The following LYPD6B variants were observed in gnomAD, a reference collection of about 807,000 sequenced individuals.
LYPD6B encodes ly6/PLAUR domain-containing protein 6B.
A neutral mutation model predicts 22.8 loss-of-function variants in LYPD6B; 17 were observed. That is an observed-to-expected ratio of 0.75 (90% CI 0.51 to 1.12). LYPD6B has a LOEUF of 1.12. Among genes scored for constraint, LYPD6B ranks in the 50% most tolerant of loss-of-function variants. The pLI, the probability that LYPD6B is intolerant of heterozygous loss-of-function variation, is 0.00. For synonymous variants in LYPD6B, 106 were observed against 91.6 expected (o/e 1.16, Z -0.90); for missense variants, 221 against 258.3 (o/e 0.86, Z 0.99).
At chr2:149,053,315 A>G (rs1184326552) in intron 1 of LYPD6B, among the ~76,000 whole-genome samples, 1 of 152,240 alleles carries the variant, frequency 6.6e-6, no homozygotes, top group Admixed American at 6.5e-5. Context: ...ATTCTGTTGA[A>G]TGAATGTACC....
At chr2:149,088,626 C>T (rs553044656) in intron 1 of LYPD6B, among the ~76,000 whole-genome samples, 2 of 152,264 alleles carry the variant, frequency 1.3e-5, no homozygotes, top group South Asian at 2.1e-4. Context: ...TTCTGCACAG[C>T]TCTACCACAT....
At position 149,068,872 on chromosome 2, in the gene LYPD6B, T is replaced by G. The variant is rs76795342; in HGVS notation, c.-67+30071T>G. 2.5e-3 allele frequency: 815 copies of G among 323,644 alleles called. 23 individuals carry two copies. The East Asian group carries it at 0.056, about 22-fold the overall frequency. 20.0% of individuals were successfully genotyped at this position (323,644 alleles called of 1,614,324 possible). On this transcript the variant is annotated intron_variant, in intron 1 of 6. Transcript: ENST00000409642. ...GTTTATCGCCTGCAGCCTCCAAGGC[T>G]TCCTGAAAAGCAAACTTCTGCTCAA... is the stretch of plus-strand genomic sequence containing the variant.
chr2:149,186,110 G>A (rs566860725), intron 3 of LYPD6B, among the ~76,000 whole-genome samples: 3 of 152,262 alleles, frequency 2.0e-5, no homozygotes, highest in African/African-American at 4.8e-5. Context: ...ACTTTAAATC[G>A]AAAGCTAGAA....
chr2:149,206,476 G>A (rs1046969993), intron 4 of LYPD6B, among the ~76,000 whole-genome samples: 29 of 151,868 alleles, frequency 1.9e-4, no homozygotes, highest in African/African-American at 6.8e-4. Context: ...TTCTAAATTG[G>A]TAATAATTGT....
chr2:149,040,282 T>C (rs1044208682), intron 1 of LYPD6B, among the ~76,000 whole-genome samples: 1 of 151,218 alleles, frequency 6.6e-6, no homozygotes, highest in Non-Finnish European at 1.5e-5. Flanking sequence ...AGTGCAGTGG[T>C]GTGATCTCGG....
At chr2:149,205,489 T>A in intron 4 of LYPD6B, 85 bp downstream of exon 4, 1 of 1,396,794 alleles carries the variant, frequency 7.2e-7, no homozygotes, top group Non-Finnish European at 9.8e-7. Context: ...TATTGTAACT[T>A]CGTCTTTCCC....
rs1683879626 is a variant in LYPD6B, at chr2:149,057,874, T to C, written c.-67+19073T>C. Among the ~76,000 whole-genome samples the C allele has an allele frequency of 3.3e-5, 5 of 152,264 alleles. No individual in the cohort carries two copies. The South Asian group carries it at 1.0e-3, about 32-fold the overall frequency. On this transcript the variant is annotated intron_variant, in intron 1 of 6. Transcript: ENST00000409642. ...GGTGGTCATAGCAGAGCTTTCCCTG[T>C]GATGTGTGATGAATGCATCCGTAAG... is the stretch of plus-strand genomic sequence containing the variant.
chr2:149,077,069 CTG>C (rs1235927557), intron 1 of LYPD6B, among the ~76,000 whole-genome samples: 1 of 152,212 alleles, frequency 6.6e-6, no homozygotes, highest in Non-Finnish European at 1.5e-5. Context: ...TGATGACAAA[CTG>C]TGCCTCTGGC....
chr2:149,081,149 G>T (rs1019757634), intron 1 of LYPD6B, among the ~76,000 whole-genome samples: 5 of 152,136 alleles, frequency 3.3e-5, no homozygotes, highest in African/African-American at 1.2e-4. Flanking sequence ...GACTTCTTGA[G>T]ATCTCAGATA....
intron 1 of LYPD6B, among the ~76,000 whole-genome samples, chr2:149,087,098 T>C (rs561970475): frequency 1.3e-5 from 2 of 152,216 alleles, no homozygotes; most frequent in Non-Finnish European, 2.9e-5. Flanking sequence ...TTTGGGGGCA[T>C]ACAATCAGCT....
intron 1 of LYPD6B, among the ~76,000 whole-genome samples, chr2:149,121,447 G>A (rs1687349505): frequency 6.6e-6 from 1 of 152,100 alleles, no homozygotes; most frequent in Admixed American, 6.5e-5. Context: ...TGATTTGACT[G>A]ACCAAATCTG....
At chr2:149,098,272 G>A (rs903948595) in intron 1 of LYPD6B, among the ~76,000 whole-genome samples, 21 of 152,260 alleles carry the variant, frequency 1.4e-4, no homozygotes, top group African/African-American at 5.1e-4. Flanking sequence ...TCTGATCCAT[G>A]TTGTTGAAAT....
chr2:149,187,589 C>T, intron 3 of LYPD6B: 1 of 1,345,740 alleles, frequency 7.4e-7, no homozygotes. Flanking sequence ...TGTAGGTGCC[C>T]CGTAAATATT....
intron 2 of LYPD6B, among the ~76,000 whole-genome samples, chr2:149,158,800 T>G (rs1689866442): frequency 2.0e-5 from 3 of 152,218 alleles, no homozygotes; most frequent in Admixed American, 6.5e-5. Context: ...CTTAGACATA[T>G]ATTACTTGAG....
At position 149,205,465 on chromosome 2, in the gene LYPD6B, C is replaced by G. The variant is rs189137426; in HGVS notation, c.229+61C>G. On this transcript the variant is annotated intron_variant, in intron 4 of 6. Coordinates refer to ENST00000409642, the MANE Select transcript of LYPD6B (RefSeq NM_177964.5). Reference sequence around the variant, plus strand: ...GTGGGGCCAGAGTGTTAATATGAAGCCCCCTTTTCCATTTATTGTAACTTC... The same window carrying G: ...GTGGGGCCAGAGTGTTAATATGAAGGCCCCTTTTCCATTTATTGTAACTTC... 895 of 1,515,488 alleles carry G rather than the reference C, an allele frequency of 5.9e-4. 4 individuals carry two copies. In the African/African-American group the frequency reaches 0.011, roughly 18 times the overall value. 93.9% of individuals were successfully genotyped at this position (1,515,488 alleles called of 1,614,324 possible). A position where few individuals can be genotyped will look rare whatever the true frequency, so the allele number is the denominator to read the frequency against.
At chr2:149,182,524 A>C (rs573993064) in intron 3 of LYPD6B, among the ~76,000 whole-genome samples, 1 of 152,230 alleles carries the variant, frequency 6.6e-6, no homozygotes, top group Non-Finnish European at 1.5e-5. Context: ...TAAAACAGAC[A>C]TGGAAGACCT....
At chr2:149,161,864 TA>T (rs2105887795) in intron 3 of LYPD6B, among the ~76,000 whole-genome samples, 1 of 152,324 alleles carries the variant, frequency 6.6e-6, no homozygotes, top group Admixed American at 6.5e-5. Flanking sequence ...CAGAATTCTG[TA>T]AAATATCTAC....
chr2:149,062,911 T>C (rs1253270075), intron 1 of LYPD6B, among the ~76,000 whole-genome samples: 1 of 146,170 alleles, frequency 6.8e-6, no homozygotes, highest in East Asian at 2.1e-4. Context: ...GCTGAAGTCC[T>C]GAAATAGTTG....
At chr2:149,210,623 T>C (rs748859350) in intron 5 of LYPD6B, among the ~76,000 whole-genome samples, 2 of 152,248 alleles carry the variant, frequency 1.3e-5, no homozygotes, top group Non-Finnish European at 2.9e-5. Context: ...TCTGTTGGTG[T>C]TGTTAAAAGA....
Sources: allele counts gnomAD v4.1 joint callset (sites outside exome capture counted in the v4.1 genomes callset), GRCh38; gene constraint gnomAD v4.1.1; transcripts MANE v1.5; gene names NCBI Gene and HGNC (gene_info 2026-07-23, HGNC 2026-07-21).